Variants in BABAM2 observed in about 807,000 individuals in gnomAD.
The protein encoded by BABAM2 is BRISC and BRCA1 A complex member 2, also known as BRISC and BRCA1-A complex member 2.
In BABAM2, 31 loss-of-function variants were observed where a neutral mutation model predicts 54.7. The ratio of observed to expected loss-of-function variants is 0.57; its 90% CI spans 0.43 to 0.77. The LOEUF is 0.77. Ranked by LOEUF, BABAM2 falls within the 30% of genes least tolerant of loss-of-function variation. The pLI, the probability that BABAM2 is intolerant of heterozygous loss-of-function variation, is 0.00. For synonymous variants in BABAM2, 167 were observed against 162.9 expected (o/e 1.03, Z -0.19); for missense variants, 364 against 455.8 (o/e 0.80, Z 1.83).
chr2:28,044,365 G>C (rs1389905411), intron 5 of BABAM2, among the ~76,000 whole-genome samples: 1 of 152,150 alleles, frequency 6.6e-6, no homozygotes, highest in East Asian at 1.9e-4. Flanking sequence ...GAGTAGCTGG[G>C]ACTACAGGCA....
chr2:28,204,765 G>A (rs1678650821), intron 7 of BABAM2, among the ~76,000 whole-genome samples: 1 of 152,056 alleles, frequency 6.6e-6, no homozygotes, highest in Admixed American at 6.6e-5. Context: ...TTCAGTCTAT[G>A]CATCAACCTT....
At chr2:28,125,123 G>C (rs1169337008) in intron 6 of BABAM2, among the ~76,000 whole-genome samples, 1 of 152,074 alleles carries the variant, frequency 6.6e-6, no homozygotes, top group Non-Finnish European at 1.5e-5. Context: ...AAGTTGCTCA[G>C]CCTCATTCAT....
chr2:28,177,541 C>T (rs1269599409), intron 7 of BABAM2, among the ~76,000 whole-genome samples: 1 of 151,558 alleles, frequency 6.6e-6, no homozygotes, highest in African/African-American at 2.4e-5. Context: ...AGAAAATTAC[C>T]AAACTGCAAT....
At chr2:27,965,792 A>C (rs1279393041) in intron 3 of BABAM2, among the ~76,000 whole-genome samples, 2 of 152,094 alleles carry the variant, frequency 1.3e-5, no homozygotes. Flanking sequence ...TCTTATTTGC[A>C]GTTATCTTGT....
At chr2:28,016,348 T>C (rs1674814027) in intron 4 of BABAM2, 9 of 1,256,024 alleles carry the variant, frequency 7.2e-6, no homozygotes, top group Non-Finnish European at 1.0e-5. Flanking sequence ...CTAGTTGCTC[T>C]TTTACTTCTT....
chr2:28,105,067 A>G (rs1467155059), intron 6 of BABAM2, among the ~76,000 whole-genome samples: 1 of 152,068 alleles, frequency 6.6e-6, no homozygotes, highest in Admixed American at 6.5e-5. Flanking sequence ...GAGGGATAGC[A>G]TTAGGGGATA....
At chr2:27,963,318 A>G (rs1446807257) in intron 3 of BABAM2, among the ~76,000 whole-genome samples, 3 of 152,076 alleles carry the variant, frequency 2.0e-5, no homozygotes. Context: ...AAAAATACAG[A>G]AATTACCTGG....
chr2:28,247,577 T>C (rs774836600), intron 10 of BABAM2, among the ~76,000 whole-genome samples: 9 of 152,000 alleles, frequency 5.9e-5, no homozygotes, highest in Non-Finnish European at 1.0e-4. Context: ...TATTCTGAGA[T>C]CTCAAGAGGT....
intron 7 of BABAM2, among the ~76,000 whole-genome samples, chr2:28,168,075 T>C (rs1219343393): frequency 6.6e-6 from 1 of 152,156 alleles, no homozygotes; most frequent in East Asian, 1.9e-4. Flanking sequence ...TGGACCTTCC[T>C]CATCCAAGGG....
chr2:28,225,974 A>G (rs1290080264), intron 7 of BABAM2, among the ~76,000 whole-genome samples: 1 of 152,188 alleles, frequency 6.6e-6, no homozygotes, highest in Non-Finnish European at 1.5e-5. Flanking sequence ...CTAGATCAAG[A>G]GTCAGCAAAC....
At chr2:27,949,767 C>G (rs1333325134) in intron 3 of BABAM2, among the ~76,000 whole-genome samples, 2 of 151,694 alleles carry the variant, frequency 1.3e-5, no homozygotes, top group Non-Finnish European at 2.9e-5. Context: ...AAAAATAGTT[C>G]TTTTGTAGTG....
intron 7 of BABAM2, among the ~76,000 whole-genome samples, chr2:28,186,784 A>C: frequency 6.6e-6 from 1 of 151,278 alleles, no homozygotes; most frequent in Non-Finnish European, 1.5e-5. Context: ...CTATTGTAAC[A>C]TCATGGATCA....
intron 6 of BABAM2, among the ~76,000 whole-genome samples, chr2:28,081,012 G>A (rs1319558405): frequency 1.3e-5 from 2 of 152,144 alleles, no homozygotes; most frequent in Non-Finnish European, 2.9e-5. Flanking sequence ...GTTTTGCATG[G>A]ATGAGAAGGG....
At position 27,923,087 on chromosome 2, in the gene BABAM2, A is replaced by G. The variant is rs191622139; in HGVS notation, c.129-6745A>G. 1.8e-3 allele frequency among the ~76,000 whole-genome samples: 267 copies of G among 152,320 alleles called. 1 individual carries two copies. The highest frequency in any genetic ancestry group is 5.9e-3 in the African/African-American group (246 of 41,574). ...TAAGCTAGAACTGCCCAGCCAAGCCATTCCCAAATTCCGACCCAAAGAAAC... is the reference window on the plus strand; with the variant it reads ...TAAGCTAGAACTGCCCAGCCAAGCCGTTCCCAAATTCCGACCCAAAGAAAC... On this transcript the variant is annotated intron_variant, in intron 2 of 11. Transcript: ENST00000379624.
chr2:28,063,976 G>A (rs1288381002), intron 6 of BABAM2, among the ~76,000 whole-genome samples: 1 of 152,176 alleles, frequency 6.6e-6, no homozygotes, highest in Non-Finnish European at 1.5e-5. Flanking sequence ...TTCAATTCAG[G>A]TCTGTCTCAC....
At chr2:27,973,892 G>A (rs1377173591) in intron 3 of BABAM2, among the ~76,000 whole-genome samples, 1 of 152,142 alleles carries the variant, frequency 6.6e-6, no homozygotes, top group African/African-American at 2.4e-5. Context: ...ACAGAAGATG[G>A]TTTAGTGCTT....
chr2:27,985,736 G>C (rs1672351633), intron 3 of BABAM2, among the ~76,000 whole-genome samples: 1 of 152,104 alleles, frequency 6.6e-6, no homozygotes, highest in South Asian at 2.1e-4. Flanking sequence ...TGTATTTGTG[G>C]CTCTGGGTCT....
intron 7 of BABAM2, among the ~76,000 whole-genome samples, chr2:28,218,554 T>C (rs1680117694): frequency 6.6e-6 from 1 of 152,238 alleles, no homozygotes; most frequent in South Asian, 2.1e-4. Context: ...TGTGACATGA[T>C]GTGTCTGTCC....
intron 2 of BABAM2, among the ~76,000 whole-genome samples, chr2:27,922,238 A>T (rs1667392363): frequency 6.6e-6 from 1 of 152,246 alleles, no homozygotes; most frequent in Non-Finnish European, 1.5e-5. Context: ...CTGGATACTT[A>T]GCACTGTGCT....
Sources: gnomAD v4.1 joint callset for allele counts (sites outside exome capture counted in the v4.1 genomes callset) on GRCh38, gnomAD v4.1.1 for gene constraint, MANE v1.5 for transcripts, NCBI Gene and HGNC (gene_info 2026-07-23, HGNC 2026-07-21) for gene names.